KIF6: variants seen among roughly 807,000 people sequenced by gnomAD.
KIF6 encodes kinesin family member 6, also known as kinesin-like protein KIF6.
A neutral mutation model predicts 112.7 loss-of-function variants in KIF6; 106 were observed. The observed-to-expected ratio is 0.94, with a 90% CI of 0.80 to 1.11. The LOEUF is 1.11. Among genes scored for constraint, KIF6 ranks in the 50% least tolerant of loss-of-function variants. KIF6 has a pLI of 0.00. For synonymous variants in KIF6, 339 were observed against 339.9 expected, an observed-to-expected ratio of 1.00 and a Z score of 0.03; for missense variants, 929 against 964.0, an observed-to-expected ratio of 0.96 and a Z score of 0.48.
intron 13 of KIF6, among the ~76,000 whole-genome samples, chr6:39,469,957 AACAG>A (rs2150437977): frequency 6.6e-6 from 1 of 152,348 alleles, no homozygotes; most frequent in South Asian, 2.1e-4. Context: ...AACTAGACCT[AACAG>A]ACAGTGTAGA....
chr6:39,529,244 T>C (rs1057258999), intron 13 of KIF6, among the ~76,000 whole-genome samples: 8 of 152,188 alleles, frequency 5.3e-5, no homozygotes, highest in African/African-American at 1.9e-4. Context: ...GACACTGATC[T>C]GGGCAATAAT....
At chr6:39,510,924 T>G (rs1014234478) in intron 13 of KIF6, among the ~76,000 whole-genome samples, 9 of 123,036 alleles carry the variant, frequency 7.3e-5, no homozygotes, top group Non-Finnish European at 1.2e-4. Flanking sequence ...TGGTCTCTGG[T>G]AAAACAGACT....
At chr6:39,718,408 T>C (rs55815613) in intron 2 of KIF6, 11,001 of 152,048 alleles carry the variant, frequency 0.072, 539 homozygotes, top group South Asian at 0.18. Flanking sequence ...TATGAAGGTA[T>C]GTAGCATGCT....
At chr6:39,409,639 A>G (rs1473037393) in intron 15 of KIF6, among the ~76,000 whole-genome samples, 1 of 152,186 alleles carries the variant, frequency 6.6e-6, no homozygotes, top group Non-Finnish European at 1.5e-5. Flanking sequence ...GGTGCAGACT[A>G]TGTGTTAGAG....
chr6:39,583,433 C>G (rs1226645751), intron 9 of KIF6: 1 of 471,618 alleles, frequency 2.1e-6, no homozygotes, highest in Non-Finnish European at 4.4e-6. Context: ...CTGCCTCACT[C>G]ATTGGTTTCT....
chr6:39,705,239 G>A (rs1186244303), intron 3 of KIF6, among the ~76,000 whole-genome samples: 1 of 152,146 alleles, frequency 6.6e-6, no homozygotes, highest in Non-Finnish European at 1.5e-5. Context: ...GATTCAATAG[G>A]TCTGGGTGAG....
intron 5 of KIF6, among the ~76,000 whole-genome samples, chr6:39,630,217 T>C (rs991634253): frequency 6.6e-6 from 1 of 152,086 alleles, no homozygotes; most frequent in African/African-American, 2.4e-5. Flanking sequence ...ATCTACAAAA[T>C]AATTTACTAG....
intron 3 of KIF6, among the ~76,000 whole-genome samples, chr6:39,647,056 T>A (rs1341982098): frequency 6.6e-6 from 1 of 152,178 alleles, no homozygotes; most frequent in Non-Finnish European, 1.5e-5. Flanking sequence ...ATAAATTCAG[T>A]AGCTTAAATT....
At chr6:39,515,224 C>G (rs887455146) in intron 13 of KIF6, among the ~76,000 whole-genome samples, 9 of 152,188 alleles carry the variant, frequency 5.9e-5, no homozygotes, top group African/African-American at 2.2e-4. Flanking sequence ...ACATTTTTAT[C>G]AAACCTGAAT....
chr6:39,643,286 C>T (rs1292689596), intron 3 of KIF6, among the ~76,000 whole-genome samples: 1 of 152,112 alleles, frequency 6.6e-6, no homozygotes, highest in Non-Finnish European at 1.5e-5. Flanking sequence ...TATCAAAATT[C>T]AAGCTGGCTT....
intron 3 of KIF6, among the ~76,000 whole-genome samples, chr6:39,670,204 T>A (rs1156399741): frequency 6.6e-6 from 1 of 152,182 alleles, no homozygotes; most frequent in Non-Finnish European, 1.5e-5. Context: ...TAGATCTCTA[T>A]AGTAACAATT....
chr6:39,345,676 G>T, intron 21 of KIF6, 24 bp downstream of exon 21: 4 of 1,597,656 alleles, frequency 2.5e-6, no homozygotes, highest in Non-Finnish European at 3.4e-6. Flanking sequence ...GCTGTCACAG[G>T]CATAACAGGA....
chr6:39,644,624 G>C (rs1459804862), intron 3 of KIF6, among the ~76,000 whole-genome samples: 2 of 151,406 alleles, frequency 1.3e-5, no homozygotes, highest in Non-Finnish European at 2.9e-5. Flanking sequence ...CATAGAGATA[G>C]AAAGTAGGTT....
intron 13 of KIF6, among the ~76,000 whole-genome samples, chr6:39,534,422 C>T (rs1468139064): frequency 6.6e-6 from 1 of 152,098 alleles, no homozygotes; most frequent in East Asian, 1.9e-4. Flanking sequence ...AATGCAGAAG[C>T]CTCAGGAGCT....
chr6:39,437,025 G>C (rs1197790403), intron 13 of KIF6, among the ~76,000 whole-genome samples: 3 of 130,332 alleles, frequency 2.3e-5, no homozygotes, highest in African/African-American at 3.7e-5. Flanking sequence ...ATTTGTTTGT[G>C]TCATCTATGT....
Position 39,362,465 on chromosome 6 carries a change from G to A in KIF6, c.1915C>T (p.Leu639=). ...TTTTCTTCCTCCAGTTGTGATCGCA[G>A]CTTCTCCTCCTGCTGGTCTGGCATC... ...PLMPDQQEEK[L]RSQLEEEKRR... Residue 639 remains leucine, a synonymous_variant, in exon 17 of 23, where the codon CTG becomes TTG. Transcript: ENST00000287152. 6.2e-7 allele frequency: 1 copy of A among 1,614,118 alleles called. No individual in the cohort carries two copies. Among genetic ancestry groups the A allele is most frequent in the Non-Finnish European group, 8.5e-7 (1 of 1,179,980 alleles).
intron 14 of KIF6, among the ~76,000 whole-genome samples, chr6:39,430,717 T>C (rs769266377): frequency 7.9e-5 from 12 of 152,198 alleles, no homozygotes; most frequent in Non-Finnish European, 1.6e-4. Context: ...ATTTGGTCCA[T>C]AGACTTTTTC....
intron 6 of KIF6, among the ~76,000 whole-genome samples, chr6:39,605,187 A>AC (rs1427827218): frequency 4.6e-5 from 7 of 151,960 alleles, no homozygotes; most frequent in Non-Finnish European, 1.0e-4. Flanking sequence ...TGTCTGCCCA[A>AC]CCCCCTGCTG....
intron 10 of KIF6, among the ~76,000 whole-genome samples, chr6:39,576,726 C>T (rs904195837): frequency 3.3e-5 from 5 of 152,196 alleles, no homozygotes; most frequent in African/African-American, 1.2e-4. Flanking sequence ...CCTGTTGTCC[C>T]TGCAATCCTA....
Sources: gnomAD v4.1 joint callset for allele counts (sites outside exome capture counted in the v4.1 genomes callset) on GRCh38, gnomAD v4.1.1 for gene constraint, MANE v1.5 for transcripts, NCBI Gene and HGNC (gene_info 2026-07-23, HGNC 2026-07-21) for gene names.